Variants in SCG5 observed in about 807,000 individuals in gnomAD.
SCG5 encodes the protein neuroendocrine protein 7B2.
In SCG5, 18 loss-of-function variants were observed where a neutral mutation model predicts 25.7. The observed-to-expected ratio is 0.70, with a 90% CI of 0.48 to 1.04. The LOEUF (loss-of-function observed/expected upper bound fraction) is 1.04, where lower values mean the gene tolerates loss of function less well. Among genes scored for constraint, SCG5 ranks in the 50% least tolerant of loss-of-function variants. The pLI, the probability that SCG5 is intolerant of heterozygous loss-of-function variation, is 0.00. For synonymous variants in SCG5, 101 were observed against 91.7 expected (o/e 1.10, Z -0.58); for missense variants, 206 against 259.8 (o/e 0.79, Z 1.42).
chr15:32,654,117 C>T (rs1325299395), intron 2 of SCG5, among the ~76,000 whole-genome samples: 1 of 152,202 alleles, frequency 6.6e-6, no homozygotes, highest in Admixed American at 6.5e-5. Flanking sequence ...GAAAAAGAAA[C>T]TCAGAGATGA....
intron 4 of SCG5, among the ~76,000 whole-genome samples, chr15:32,691,193 G>A (rs1487049562): frequency 6.6e-6 from 1 of 152,142 alleles, no homozygotes; most frequent in Non-Finnish European, 1.5e-5. Context: ...TATTAAAAAT[G>A]TTATAGACCA....
At chr15:32,693,132 A>T (rs2054890613) in intron 5 of SCG5, among the ~76,000 whole-genome samples, 1 of 152,190 alleles carries the variant, frequency 6.6e-6, no homozygotes, top group Non-Finnish European at 1.5e-5. Context: ...CCTACAACAC[A>T]ACAAGAACAT....
chr15:32,643,693 G>T lies in SCG5; in HGVS notation c.101G>T (p.Arg34Leu), dbSNP rs200869533. ...AFAYSPRTPDRVSEADIQRLL... is the reference protein window; with the variant it reads ...AFAYSPRTPDLVSEADIQRLL... ...GCTTACAGCCCCCGGACCCCTGACC[G>T]GGTCTCAGAAGCAGATATCCAGAGG... Residue 34 changes from arginine (R) to leucine (L), a missense_variant, in exon 2 of 6, where the codon CGG becomes CTG. Arg to Leu is a moderately radical substitution (Grantham distance 102). Transcript: ENST00000300175. The T allele has an allele frequency of 3.7e-6, 6 of 1,613,882 alleles. No homozygotes were observed. The South Asian group carries it at 6.6e-5, about 18-fold the overall frequency.
At chr15:32,691,840 C>T (rs754821203) in intron 5 of SCG5, 77 bp downstream of exon 5, 26 of 1,568,364 alleles carry the variant, frequency 1.7e-5, no homozygotes, top group South Asian at 3.5e-5. Flanking sequence ...CTGAAACCCT[C>T]GCTTGTTGGG....
At chr15:32,670,601 CTA>C (rs1203120583) in intron 2 of SCG5, among the ~76,000 whole-genome samples, 1 of 152,198 alleles carries the variant, frequency 6.6e-6, no homozygotes, top group Admixed American at 6.5e-5. Flanking sequence ...TAAGTATAAA[CTA>C]TTGTGTGTTC....
At chr15:32,686,999 C>G (rs1311831438) in intron 4 of SCG5, among the ~76,000 whole-genome samples, 1 of 151,992 alleles carries the variant, frequency 6.6e-6, no homozygotes, top group Non-Finnish European at 1.5e-5. Flanking sequence ...GTCAAAGGCA[C>G]TAAGGAGGGC....
At chr15:32,645,524 C>T (rs892956761) in intron 2 of SCG5, among the ~76,000 whole-genome samples, 2 of 152,164 alleles carry the variant, frequency 1.3e-5, no homozygotes, top group East Asian at 1.9e-4. Context: ...GATAGATGTA[C>T]ACACAAGCTG....
intron 5 of SCG5, among the ~76,000 whole-genome samples, chr15:32,693,647 C>T (rs979513024): frequency 1.3e-5 from 2 of 152,214 alleles, no homozygotes; most frequent in African/African-American, 4.8e-5. Context: ...TTCAGTGAAG[C>T]TCAGCATCTG....
intron 2 of SCG5, chr15:32,656,340 T>G (rs1223701936): frequency 6.6e-6 from 1 of 152,230 alleles, no homozygotes; most frequent in Admixed American, 6.5e-5. Flanking sequence ...CAATCAACAA[T>G]TTCCCACAGG....
At chr15:32,668,324 G>A (rs532277674) in intron 2 of SCG5, among the ~76,000 whole-genome samples, 40 of 152,344 alleles carry the variant, frequency 2.6e-4, no homozygotes, top group Middle Eastern at 3.4e-3. Flanking sequence ...AGAAGTAGAG[G>A]AATGGTAATT....
intron 2 of SCG5, among the ~76,000 whole-genome samples, chr15:32,676,959 CTA>C (rs1295068188): frequency 1.3e-5 from 2 of 151,846 alleles, no homozygotes; most frequent in African/African-American, 2.4e-5. Flanking sequence ...TTATGATAGA[CTA>C]GAGATAAAAT....
intron 2 of SCG5, among the ~76,000 whole-genome samples, chr15:32,670,273 A>C (rs951819270): frequency 2.0e-5 from 3 of 152,276 alleles, no homozygotes; most frequent in Non-Finnish European, 4.4e-5. Flanking sequence ...GGATAGTGCC[A>C]GCCAGGGTGT....
chr15:32,687,249 C>T (rs556845325), intron 4 of SCG5, among the ~76,000 whole-genome samples: 25 of 152,192 alleles, frequency 1.6e-4, no homozygotes, highest in Non-Finnish European at 3.2e-4. Context: ...AGGCCAACCA[C>T]GGTCCTTCAT....
At chr15:32,688,345 A>G (rs1171857243) in intron 4 of SCG5, among the ~76,000 whole-genome samples, 1 of 152,166 alleles carries the variant, frequency 6.6e-6, no homozygotes, top group Non-Finnish European at 1.5e-5. Flanking sequence ...CAAAAAGCAA[A>G]TATTTTTCCT....
rs78518515 is a variant in SCG5, at chr15:32,687,959, A to G, written c.489+3290A>G. ...ATTTATTGACCACATACTATATGCCAGACTCCTTTCTAAATACTCAGTAAT... is the reference window on the plus strand; with the variant it reads ...ATTTATTGACCACATACTATATGCCGGACTCCTTTCTAAATACTCAGTAAT... On this transcript the variant is annotated intron_variant, in intron 4 of 5. Coordinates refer to ENST00000300175, the MANE Select transcript of SCG5 (RefSeq NM_001144757.3). Among the ~76,000 whole-genome samples, 1,009 of 152,320 alleles carry G rather than the reference A, an allele frequency of 6.6e-3. 15 individuals are homozygous for G. The highest frequency in any genetic ancestry group is 0.023 in the African/African-American group (967 of 41,568).
intron 2 of SCG5, among the ~76,000 whole-genome samples, chr15:32,668,770 C>T (rs1035903380): frequency 9.9e-5 from 15 of 152,236 alleles, no homozygotes; most frequent in African/African-American, 3.6e-4. Context: ...TCCACTCTCA[C>T]GGTGGTGTCT....
intron 2 of SCG5, among the ~76,000 whole-genome samples, chr15:32,664,804 A>G (rs1425783177): frequency 6.6e-6 from 1 of 152,182 alleles, no homozygotes; most frequent in Admixed American, 6.5e-5. Context: ...ACACATGTGT[A>G]TTGAACATCT....
chr15:32,688,379 C>T (rs2054762502), intron 4 of SCG5, among the ~76,000 whole-genome samples: 1 of 152,152 alleles, frequency 6.6e-6, no homozygotes, highest in African/African-American at 2.4e-5. Flanking sequence ...CACACCTTTT[C>T]ATCAGTAGCT....
At chr15:32,670,652 A>G (rs1441051590) in intron 2 of SCG5, among the ~76,000 whole-genome samples, 1 of 152,234 alleles carries the variant, frequency 6.6e-6, no homozygotes, top group Non-Finnish European at 1.5e-5. Context: ...CTTCTCCGCT[A>G]GTGCTCATGA....
Sources: gnomAD v4.1 joint callset for allele counts (sites outside exome capture counted in the v4.1 genomes callset) on GRCh38, gnomAD v4.1.1 for gene constraint, MANE v1.5 for transcripts, NCBI Gene and HGNC (gene_info 2026-07-23, HGNC 2026-07-21) for gene names.